MMD2: variants seen among roughly 807,000 people sequenced by gnomAD.
MMD2 encodes the protein monocyte to macrophage differentiation associated 2, also known as monocyte to macrophage differentiation factor 2.
MMD2 carries 30 observed loss-of-function variants against 33.5 expected under a neutral mutation model. That is an observed-to-expected ratio of 0.90 (90% CI 0.67 to 1.22). The LOEUF is 1.22. MMD2 is among the 50% of genes most tolerant of loss of function. The pLI, the probability that MMD2 is intolerant of heterozygous loss-of-function variation, is 0.00. For missense variants in MMD2, 364 were observed against 325.4 expected (o/e 1.12, Z -0.91); for synonymous variants, 129 against 123.0 (o/e 1.05, Z -0.32).
At chr7:4,909,606 A>AT (rs926345032) in intron 6 of MMD2, 39,075 of 503,230 alleles carry the variant, frequency 0.078, no homozygotes, top group South Asian at 0.094. Flanking sequence ...CATCTGGCTA[A>AT]TTTTTTTTTT....
At chr7:4,911,931 G>C (rs928121976) in intron 4 of MMD2, among the ~76,000 whole-genome samples, 4 of 151,980 alleles carry the variant, frequency 2.6e-5, no homozygotes, top group Non-Finnish European at 5.9e-5. Flanking sequence ...ACAGGCCTGA[G>C]CCACCGCGCC....
chr7:4,932,923 T>C (rs1351735964), intron 1 of MMD2, among the ~76,000 whole-genome samples: 1 of 151,410 alleles, frequency 6.6e-6, no homozygotes, highest in Non-Finnish European at 1.5e-5. Context: ...CCAGGCCTGG[T>C]CTCCGTGCTT....
At chr7:4,916,677 C>T (rs1412581469) in intron 3 of MMD2, among the ~76,000 whole-genome samples, 3 of 152,146 alleles carry the variant, frequency 2.0e-5, no homozygotes, top group Non-Finnish European at 4.4e-5. Context: ...GCCACCGCAC[C>T]TGGCCATCCT....
At chr7:4,941,459 G>A (rs2115141047) in intron 1 of MMD2, among the ~76,000 whole-genome samples, 1 of 152,192 alleles carries the variant, frequency 6.6e-6, no homozygotes, top group East Asian at 1.9e-4. Flanking sequence ...GCGAAACCCT[G>A]TCTCTACTAA....
rs752004837 is a variant in MMD2, at chr7:4,916,085, G to A, written c.291-6C>T. On this transcript the variant is annotated splice_polypyrimidine_tract_variant and splice_region_variant and intron_variant, in intron 3 of 6. Coordinates refer to ENST00000401401, the MANE Select transcript of MMD2 (RefSeq NM_198403.4). ...GTAGACAGTGTTCCACCATCCTAGG[G>A]CGGCAGAGAAGCCGGCAGTCACAGC... is the stretch of plus-strand genomic sequence containing the variant. 2 of 1,613,374 alleles carry A rather than the reference G, an allele frequency of 1.2e-6. No homozygotes were observed. Among genetic ancestry groups the A allele is most frequent in the African/African-American group, 1.3e-5 (1 of 75,026 alleles).
the MMD2 span, among the ~76,000 whole-genome samples, chr7:4,896,682 G>A: frequency 2.6e-5 from 4 of 152,022 alleles, no homozygotes; most frequent in African/African-American, 7.3e-5. Context: ...ACTATTGTTC[G>A]AAGCCACTAT....
chr7:4,914,538 G>C (rs756194535), intron 4 of MMD2, among the ~76,000 whole-genome samples: 4 of 152,122 alleles, frequency 2.6e-5, no homozygotes, highest in Admixed American at 6.6e-5. Flanking sequence ...ACAAAGAGAG[G>C]GAGCTGGGGG....
chr7:4,899,734 G>C, the MMD2 span, among the ~76,000 whole-genome samples: 1 of 152,086 alleles, frequency 6.6e-6, no homozygotes, highest in Non-Finnish European at 1.5e-5. Context: ...TCAACAAAAA[G>C]GCTTGAAAAA....
At chr7:4,953,139 G>A (rs1299426026) in intron 1 of MMD2, among the ~76,000 whole-genome samples, 1 of 151,788 alleles carries the variant, frequency 6.6e-6, no homozygotes, top group Non-Finnish European at 1.5e-5. Flanking sequence ...CTTAATCCCT[G>A]TTTCCTCCAT....
intron 1 of MMD2, among the ~76,000 whole-genome samples, chr7:4,928,070 C>T (rs927368614): frequency 6.6e-6 from 1 of 152,190 alleles, no homozygotes; most frequent in African/African-American, 2.4e-5. Context: ...GCAGCCGGGA[C>T]CACAGCAGCG....
At chr7:4,934,258 C>A (rs1219318107) in intron 1 of MMD2, among the ~76,000 whole-genome samples, 1 of 151,892 alleles carries the variant, frequency 6.6e-6, no homozygotes, top group Non-Finnish European at 1.5e-5. Context: ...TCCACCACCA[C>A]ACCCAACTAA....
At position 4,906,407 on chromosome 7, in the gene MMD2, C is replaced by A. The variant is rs887089146; in HGVS notation, c.*989G>T. 2 of 398,486 alleles carry A rather than the reference C, an allele frequency of 5.0e-6. No individual in the cohort carries two copies. Among genetic ancestry groups the A allele is most frequent in the East Asian group, 3.6e-5 (1 of 28,078 alleles). The allele number at this position is 398,486 out of a possible 1,614,324, so 24.7% of individuals were successfully genotyped here. ...GGTACACCTGAGTAGCCTCTAACAGCCACTGATTGGCACCAAGAGAGAATC... is the reference window on the plus strand; with the variant it reads ...GGTACACCTGAGTAGCCTCTAACAGACACTGATTGGCACCAAGAGAGAATC... On this transcript the variant is annotated 3_prime_UTR_variant, in exon 7 of 7. Transcript: ENST00000401401.
At chr7:4,925,647 T>C in intron 1 of MMD2, 115 bp from the exon 2 acceptor site, 1 of 604,934 alleles carries the variant, frequency 1.7e-6, no homozygotes, top group Non-Finnish European at 2.8e-6. Context: ...GCACTCCCCT[T>C]CTCCCTTTTT....
chr7:4,945,637 C>T (rs922023862), intron 1 of MMD2, among the ~76,000 whole-genome samples: 3 of 150,024 alleles, frequency 2.0e-5, no homozygotes, highest in African/African-American at 7.4e-5. Flanking sequence ...TGCAGTGGCG[C>T]AATCTTGGCT....
At chr7:4,926,257 C>T (rs183616443) in intron 1 of MMD2, among the ~76,000 whole-genome samples, 68 of 152,148 alleles carry the variant, frequency 4.5e-4, no homozygotes, top group African/African-American at 1.6e-3. Context: ...TCTACCATGC[C>T]CGGCTAAATT....
chr7:4,901,489 C>T (rs1784793777), downstream of MMD2, among the ~76,000 whole-genome samples: 4 of 152,194 alleles, frequency 2.6e-5, no homozygotes, highest in South Asian at 6.2e-4. Flanking sequence ...AAACTCAAAC[C>T]CTGATGTGTG....
chr7:4,951,313 T>G (rs1786236334), intron 1 of MMD2, among the ~76,000 whole-genome samples: 2 of 152,036 alleles, frequency 1.3e-5, no homozygotes, highest in African/African-American at 2.4e-5. Context: ...AAGCCCTTAA[T>G]GGTGCCATAG....
chr7:4,947,968 G>C (rs999239713), intron 1 of MMD2, among the ~76,000 whole-genome samples: 8 of 152,004 alleles, frequency 5.3e-5, no homozygotes, highest in African/African-American at 1.9e-4. Context: ...AAAGTGCTGG[G>C]ATTACAGGCG....
intron 1 of MMD2, among the ~76,000 whole-genome samples, chr7:4,956,238 C>A (rs557322518): frequency 6.6e-6 from 1 of 151,888 alleles, no homozygotes; most frequent in Non-Finnish European, 1.5e-5. Context: ...GCCTGGGCAA[C>A]ATAGTGAGAC....
Sources: allele counts gnomAD v4.1 joint callset (sites outside exome capture counted in the v4.1 genomes callset), GRCh38; gene constraint gnomAD v4.1.1; transcripts MANE v1.5; gene names NCBI Gene and HGNC (gene_info 2026-07-23, HGNC 2026-07-21).